MDGA2: variants seen among roughly 807,000 people sequenced by gnomAD.
MDGA2 encodes the protein MAM domain containing glycosylphosphatidylinositol anchor 2, also known as MAM domain-containing glycosylphosphatidylinositol anchor protein 2.
A neutral mutation model predicts 117.8 loss-of-function variants in MDGA2; 40 were observed. The ratio of observed to expected loss-of-function variants is 0.34; its 90% confidence interval spans 0.26 to 0.44. The LOEUF is 0.44. Ranked by LOEUF, MDGA2 falls within the 20% of genes least tolerant of loss-of-function variation. MDGA2 has a pLI of 1.00. For synonymous variants in MDGA2, 452 were observed against 439.0 expected, an observed-to-expected ratio of 1.03 and a Z score of -0.37; for missense variants, 1,123 against 1,250.6, an observed-to-expected ratio of 0.90 and a Z score of 1.54.
At position 46,901,023 on chromosome 14, in the gene MDGA2, GA is replaced by G. The variant is rs367721752; in HGVS notation, c.2239-18803del. On this transcript the variant is annotated intron_variant, in intron 10 of 16. Transcript: ENST00000399232. ...ATTTCAGAATAAATGATTTTAAAAAGAAAAAAAACACTGCTTATTGAAAAGG... is the reference window on the plus strand; with the variant it reads ...ATTTCAGAATAAATGATTTTAAAAAGAAAAAAACACTGCTTATTGAAAAGG... Among the ~76,000 whole-genome samples, 56 of 151,290 alleles carry G rather than the reference GA, an allele frequency of 3.7e-4. 3 individuals carry two copies. In the South Asian group the frequency reaches 7.9e-3, roughly 21 times the overall value.
intron 1 of MDGA2, among the ~76,000 whole-genome samples, chr14:47,557,703 C>G (rs1895710731): frequency 6.6e-6 from 1 of 152,160 alleles, no homozygotes; most frequent in Non-Finnish European, 1.5e-5. Flanking sequence ...TATATGGCAT[C>G]ATGTTCTACG....
intron 3 of MDGA2, among the ~76,000 whole-genome samples, chr14:47,144,809 C>T (rs1034796198): frequency 2.3e-4 from 25 of 111,070 alleles, no homozygotes; most frequent in Non-Finnish European, 3.5e-4. Flanking sequence ...CTACCATGCC[C>T]GGCTAATTTT....
intron 8 of MDGA2, among the ~76,000 whole-genome samples, chr14:47,031,347 G>T (rs1272597075): frequency 6.6e-6 from 1 of 151,782 alleles, no homozygotes; most frequent in Non-Finnish European, 1.5e-5. Flanking sequence ...TTAATTGGAC[G>T]CAAGTAAAAC....
intron 8 of MDGA2, among the ~76,000 whole-genome samples, chr14:47,024,072 A>G (rs1888385911): frequency 6.6e-6 from 1 of 152,226 alleles, no homozygotes. Context: ...CTGCATGAAG[A>G]TAAGACAGAC....
At chr14:47,207,383 T>C (rs1885724228) in intron 3 of MDGA2, among the ~76,000 whole-genome samples, 1 of 151,872 alleles carries the variant, frequency 6.6e-6, no homozygotes, top group Non-Finnish European at 1.5e-5. Flanking sequence ...TGATAAGCAT[T>C]GAATTTAAGG....
Position 47,301,541 on chromosome 14 carries a change from G to A in MDGA2, c.290C>T (p.Thr97Met), listed in dbSNP as rs768977988. 50 of 1,551,490 alleles carry A rather than the reference G, an allele frequency of 3.2e-5. No individual in the cohort carries two copies. The highest frequency in any genetic ancestry group is 2.0e-4 in the South Asian group (17 of 84,058). The stretch of plus-strand genomic sequence containing the variant: ...CAAGCCTGAGTGCACAATACGAACC[G>A]TGGGAGGAGCTGTCGAGTCAGGAAG... ...ISGQGVYAPP[T>M]VRIVHSGLAC... Residue 97 changes from threonine (T) to methionine (M), a missense_variant, in exon 2 of 17, where the codon ACG (threonine) becomes ATG (methionine). Thr to Met is a moderately conservative substitution (Grantham distance 81). Transcript: ENST00000399232.
chr14:46,877,034 G>C (rs1401394530), intron 12 of MDGA2, among the ~76,000 whole-genome samples: 1 of 151,536 alleles, frequency 6.6e-6, no homozygotes, highest in Admixed American at 6.6e-5. Flanking sequence ...ATACATTGGA[G>C]TGTAAACTAG....
At chr14:47,422,483 C>T (rs895270863) in intron 1 of MDGA2, among the ~76,000 whole-genome samples, 4 of 151,824 alleles carry the variant, frequency 2.6e-5, no homozygotes, top group East Asian at 1.9e-4. Flanking sequence ...AGGATATTCC[C>T]GAAATTCAAG....
intron 1 of MDGA2, among the ~76,000 whole-genome samples, chr14:47,370,329 T>C (rs1891319037): frequency 6.6e-6 from 1 of 151,222 alleles, no homozygotes; most frequent in Non-Finnish European, 1.5e-5. Flanking sequence ...AAAAGCAGAT[T>C]AAGAGAAAGA....
At chr14:47,509,152 A>T (rs1894585052) in intron 1 of MDGA2, among the ~76,000 whole-genome samples, 1 of 152,224 alleles carries the variant, frequency 6.6e-6, no homozygotes. Flanking sequence ...GCCGTGAAAA[A>T]CAGACATGTC....
chr14:47,609,465 A>ATACATATATATATATATATATAT (rs1555336021), intron 1 of MDGA2, among the ~76,000 whole-genome samples: 2 of 107,388 alleles, frequency 1.9e-5, no homozygotes, highest in Non-Finnish European at 3.9e-5. Context: ...ATATATATAT[A>ATACATATATATATATATATATAT]AGTTTCTTTA....
chr14:46,927,986 T>G lies in MDGA2; in HGVS notation c.2090-7826A>C, dbSNP rs1884395703. Among the ~76,000 whole-genome samples, 5 of 152,144 alleles carry G rather than the reference T, an allele frequency of 3.3e-5. No individual in the cohort carries two copies. In the South Asian group the frequency reaches 1.0e-3, roughly 32 times the overall value. On this transcript the variant is annotated intron_variant, in intron 9 of 16. Coordinates refer to ENST00000399232, the MANE Select transcript of MDGA2 (RefSeq NM_001113498.3). ...TAAAACTATTGATACATTGTCAGTC[T>G]TTACAAATCACTGGGATCTTTAAAG... is the stretch of plus-strand genomic sequence containing the variant.
chr14:47,083,526 C>G (rs1419938397), intron 6 of MDGA2, among the ~76,000 whole-genome samples: 1 of 151,730 alleles, frequency 6.6e-6, no homozygotes, highest in Non-Finnish European at 1.5e-5. Context: ...ACAAAGAAAA[C>G]AGAAATAAGA....
intron 1 of MDGA2, among the ~76,000 whole-genome samples, chr14:47,488,141 T>C (rs953775828): frequency 6.6e-6 from 1 of 152,176 alleles, no homozygotes; most frequent in African/African-American, 2.4e-5. Flanking sequence ...GAATATTTTA[T>C]TGAATCGAGT....
intron 1 of MDGA2, among the ~76,000 whole-genome samples, chr14:47,524,234 T>C (rs149093920): frequency 0.016 from 2,280 of 142,058 alleles, 25 homozygotes; most frequent in Non-Finnish European, 0.027. Flanking sequence ...TTAGACTGAG[T>C]AGGAGAAAAT....
At chr14:47,183,744 G>T (rs1011977500) in intron 3 of MDGA2, among the ~76,000 whole-genome samples, 5 of 151,910 alleles carry the variant, frequency 3.3e-5, no homozygotes, top group Non-Finnish European at 7.4e-5. Context: ...TGTTATTATT[G>T]TTAGAGACTA....
chr14:47,176,839 G>A (rs1396237120), intron 3 of MDGA2, among the ~76,000 whole-genome samples: 1 of 152,068 alleles, frequency 6.6e-6, no homozygotes, highest in African/African-American at 2.4e-5. Flanking sequence ...CACAGCAAAA[G>A]AAACTACCAT....
At chr14:47,326,359 C>T (rs752351066) in intron 1 of MDGA2, among the ~76,000 whole-genome samples, 1 of 152,094 alleles carries the variant, frequency 6.6e-6, no homozygotes, top group Non-Finnish European at 1.5e-5. Context: ...TACTATTCTC[C>T]TGAGTTTGAA....
At chr14:46,905,409 T>C (rs753296907) in intron 10 of MDGA2, among the ~76,000 whole-genome samples, 9 of 152,164 alleles carry the variant, frequency 5.9e-5, no homozygotes, top group African/African-American at 1.4e-4. Flanking sequence ...TGCTTCCAAA[T>C]TCCATTTTAC....
Sources: gnomAD v4.1 joint callset for allele counts (sites outside exome capture counted in the v4.1 genomes callset) on GRCh38, gnomAD v4.1.1 for gene constraint, MANE v1.5 for transcripts, NCBI Gene and HGNC (gene_info 2026-07-23, HGNC 2026-07-21) for gene names.